The following OCA2 variants were observed in gnomAD, a reference collection of about 807,000 sequenced individuals.
OCA2 encodes the protein P protein.
A neutral mutation model predicts 100.2 loss-of-function variants in OCA2; 77 were observed. The observed-to-expected ratio is 0.77, with a 90% CI of 0.64 to 0.93. OCA2 has a LOEUF of 0.93. Among genes scored for constraint, OCA2 ranks in the 40% least tolerant of loss-of-function variants. The pLI, the probability that OCA2 is intolerant of heterozygous loss-of-function variation, is 0.00. For synonymous variants in OCA2, 432 were observed against 439.2 expected (o/e 0.98, Z 0.21); for missense variants, 1,062 against 1,089.1 (o/e 0.98, Z 0.35).
At chr15:27,776,405 A>G (rs986815580) in intron 23 of OCA2, 1 of 152,236 alleles carries the variant, frequency 6.6e-6, no homozygotes. Flanking sequence ...GCTTCTGTAA[A>G]GCTGAGCTAA....
At chr15:27,749,889 A>G (rs944018115), downstream of OCA2, among the ~76,000 whole-genome samples, 1 of 152,246 alleles carries the variant, frequency 6.6e-6, no homozygotes, top group African/African-American at 2.4e-5. Flanking sequence ...AGTTCAACAT[A>G]GTAAAATTGT....
chr15:27,774,170 C>T (rs2032050509), intron 23 of OCA2, among the ~76,000 whole-genome samples: 2 of 152,204 alleles, frequency 1.3e-5, no homozygotes, highest in Admixed American at 6.5e-5. Context: ...TAGACTGTCA[C>T]CAAGTCCCTC....
intron 16 of OCA2, among the ~76,000 whole-genome samples, chr15:27,956,947 TCTC>T (rs1202773073): frequency 1.3e-5 from 2 of 152,194 alleles, no homozygotes; most frequent in African/African-American, 4.8e-5. Context: ...TAGATGGACA[TCTC>T]CACCCCCTCT....
chr15:27,964,787 G>A (rs2040511639), intron 15 of OCA2, among the ~76,000 whole-genome samples: 1 of 151,996 alleles, frequency 6.6e-6, no homozygotes, highest in African/African-American at 2.4e-5. Context: ...TCCAAATTTG[G>A]AGCCCTCTAA....
intron 19 of OCA2, among the ~76,000 whole-genome samples, chr15:27,902,277 C>T (rs1459510868): frequency 6.6e-6 from 1 of 151,436 alleles, no homozygotes; most frequent in Non-Finnish European, 1.5e-5. Context: ...ACGTGAAATG[C>T]TTTCTTTTTA....
At chr15:27,948,610 C>T (rs895610033) in intron 18 of OCA2, among the ~76,000 whole-genome samples, 7 of 152,228 alleles carry the variant, frequency 4.6e-5, no homozygotes, top group Admixed American at 3.3e-4. Flanking sequence ...AGACTACAGG[C>T]GTGCACCACC....
intron 2 of OCA2, among the ~76,000 whole-genome samples, chr15:28,033,944 G>T (rs144244730): frequency 0.015 from 2,334 of 152,138 alleles, 34 homozygotes; most frequent in South Asian, 0.045. Context: ...CGGAGACGGT[G>T]ACCTCCCTCC....
At chr15:27,805,196 C>T (rs188743160) in intron 23 of OCA2, among the ~76,000 whole-genome samples, 5 of 152,348 alleles carry the variant, frequency 3.3e-5, no homozygotes, top group African/African-American at 9.6e-5. Context: ...GCTGCGTCCA[C>T]GCTGGCCTGG....
At chr15:27,848,465 G>T (rs1417549479) in intron 22 of OCA2, among the ~76,000 whole-genome samples, 1 of 152,202 alleles carries the variant, frequency 6.6e-6, no homozygotes, top group Admixed American at 6.5e-5. Flanking sequence ...GGCCCCAGGT[G>T]TCACTTCCCC....
intron 23 of OCA2, among the ~76,000 whole-genome samples, chr15:27,812,319 G>C (rs570402806): frequency 4.5e-4 from 69 of 152,256 alleles, no homozygotes; most frequent in Non-Finnish European, 6.8e-4. Flanking sequence ...AAAAATCTTT[G>C]AGAGAAAATA....
chr15:27,965,273 A>G lies in OCA2; in HGVS notation c.1636+1417T>C, dbSNP rs182293526. Among the ~76,000 whole-genome samples, 10 of 152,324 alleles carry G rather than the reference A, an allele frequency of 6.6e-5. No homozygotes were observed. In the East Asian group the frequency reaches 9.6e-4, roughly 15 times the overall value. Reference sequence around the variant, plus strand: ...TCTAACATTTTCATCAGAAAAAGAAACCTATATATTAATTTATCTTACTTT... The same window carrying G: ...TCTAACATTTTCATCAGAAAAAGAAGCCTATATATTAATTTATCTTACTTT... On this transcript the variant is annotated intron_variant, in intron 15 of 23. Transcript: ENST00000354638.
At chr15:27,896,993 A>G (rs535029485) in intron 19 of OCA2, among the ~76,000 whole-genome samples, 2 of 152,146 alleles carry the variant, frequency 1.3e-5, no homozygotes, top group Admixed American at 6.5e-5. Flanking sequence ...GATCCAGATC[A>G]TCCTGGCTAA....
chr15:28,020,825 G>A (rs1479543881), intron 6 of OCA2, among the ~76,000 whole-genome samples: 1 of 152,172 alleles, frequency 6.6e-6, no homozygotes, highest in African/African-American at 2.4e-5. Flanking sequence ...ACTGAGCAGA[G>A]GGAAGCACAA....
chr15:27,828,616 T>C (rs568410434), intron 23 of OCA2, among the ~76,000 whole-genome samples: 75 of 152,202 alleles, frequency 4.9e-4, no homozygotes, highest in African/African-American at 1.8e-3. Context: ...CCGAGACAAA[T>C]ACAGTAAAAA....
intron 23 of OCA2, among the ~76,000 whole-genome samples, chr15:27,829,145 G>A (rs1228077337): frequency 6.6e-6 from 1 of 152,060 alleles, no homozygotes; most frequent in Non-Finnish European, 1.5e-5. Context: ...CTACAACAAG[G>A]GCAGAAGTGG....
In OCA2 at chr15:28,066,450, C is replaced by T. The variant is rs568026100; in HGVS notation, c.227+15198G>A. Among the ~76,000 whole-genome samples the T allele has an allele frequency of 6.6e-5, 10 of 152,198 alleles. No individual in the cohort carries two copies. The South Asian group carries it at 1.5e-3, about 22-fold the overall frequency. On this transcript the variant is annotated intron_variant, in intron 2 of 23. Coordinates refer to ENST00000354638, the MANE Select transcript of OCA2 (RefSeq NM_000275.3). ...CGTTAGATATGCCTCATTATACTCT[C>T]CTCCCGTTGGAATTCAGGCACAGCT...
At chr15:27,863,953 G>A (rs1439322172) in intron 21 of OCA2, among the ~76,000 whole-genome samples, 1 of 152,016 alleles carries the variant, frequency 6.6e-6, no homozygotes, top group African/African-American at 2.4e-5. Flanking sequence ...CACACTACTG[G>A]TCCCCTAAAT....
At chr15:27,976,784 T>TCTA in intron 14 of OCA2, among the ~76,000 whole-genome samples, 1 of 152,304 alleles carries the variant, frequency 6.6e-6, no homozygotes, top group East Asian at 1.9e-4. Flanking sequence ...CCTCTTCAAT[T>TCTA]TACTGTAAAG....
chr15:28,074,029 C>G (rs6497262), intron 2 of OCA2, among the ~76,000 whole-genome samples: 23,506 of 148,330 alleles, frequency 0.16, 2,859 homozygotes, highest in African/African-American at 0.35. Context: ...CACACACACA[C>G]AGTACAAAAA....
Sources: gnomAD v4.1 joint callset for allele counts (sites outside exome capture counted in the v4.1 genomes callset) on GRCh38, gnomAD v4.1.1 for gene constraint, MANE v1.5 for transcripts, NCBI Gene and HGNC (gene_info 2026-07-23, HGNC 2026-07-21) for gene names.